Variants in GALNT13 observed in about 807,000 individuals in gnomAD.
The protein encoded by GALNT13 is polypeptide N-acetylgalactosaminyltransferase 13, also known as UDP-GalNAc:polypeptide N-acetylgalactosaminyltransferase 13.
In GALNT13, 28 loss-of-function variants were observed where a neutral mutation model predicts 64.2. The observed-to-expected ratio is 0.44, with a 90% confidence interval of 0.32 to 0.60. GALNT13 has a LOEUF of 0.60. Among genes scored for constraint, GALNT13 ranks in the 20% least tolerant of loss-of-function variants. The probability of loss-of-function intolerance (pLI) is 0.05; values close to 1 mark genes in which losing one functional copy is unlikely to be tolerated. For missense variants in GALNT13, 577 were observed against 669.8 expected (o/e 0.86, Z 1.53); for synonymous variants, 214 against 224.6 (o/e 0.95, Z 0.42).
the GALNT13 span, among the ~76,000 whole-genome samples, chr2:153,315,066 A>G: frequency 1.3e-5 from 2 of 152,116 alleles, no homozygotes; most frequent in African/African-American, 4.8e-5. Context: ...TAAGAAAAGT[A>G]GAGAGAATAT....
chr2:153,757,565 T>C, the GALNT13 span, among the ~76,000 whole-genome samples: 2 of 152,128 alleles, frequency 1.3e-5, no homozygotes, highest in Admixed American at 1.3e-4. Context: ...CTCCATACAG[T>C]GTTCACCAAT....
chr2:154,363,227 C>T (rs1697175708), intron 9 of GALNT13, among the ~76,000 whole-genome samples: 1 of 152,132 alleles, frequency 6.6e-6, no homozygotes, highest in African/African-American at 2.4e-5. Context: ...ACCAGCTCAC[C>T]CCAGTTTGAA....
At chr2:153,390,665 A>T in the GALNT13 span, among the ~76,000 whole-genome samples, 1 of 152,088 alleles carries the variant, frequency 6.6e-6, no homozygotes, top group African/African-American at 2.4e-5. Context: ...TTATGGTTTT[A>T]TTGAGATTTA....
chr2:153,691,964 G>A, the GALNT13 span, among the ~76,000 whole-genome samples: 1 of 152,058 alleles, frequency 6.6e-6, no homozygotes, highest in Non-Finnish European at 1.5e-5. Context: ...GGGTAAAGAT[G>A]GAAACAGCCC....
chr2:153,238,797 T>A, the GALNT13 span, among the ~76,000 whole-genome samples: 1 of 152,122 alleles, frequency 6.6e-6, no homozygotes, highest in African/African-American at 2.4e-5. Context: ...TTTTGCTCAT[T>A]TTGCTCAGAA....
intron 1 of GALNT13, among the ~76,000 whole-genome samples, chr2:153,877,958 A>C (rs1444685): frequency 0.77 from 117,699 of 152,012 alleles, 45,986 homozygotes; most frequent in East Asian, 0.96. Flanking sequence ...TAAATGAGGC[A>C]TCACCTCAGA....
chr2:153,493,462 AAATT>A, the GALNT13 span, among the ~76,000 whole-genome samples: 1 of 152,100 alleles, frequency 6.6e-6, no homozygotes, highest in African/African-American at 2.4e-5. Flanking sequence ...ACGAAAATAA[AAATT>A]TATTTAAAAT....
At chr2:153,681,661 A>G in the GALNT13 span, among the ~76,000 whole-genome samples, 4 of 151,662 alleles carry the variant, frequency 2.6e-5, no homozygotes, top group Non-Finnish European at 5.9e-5. Flanking sequence ...CTTCCCCTTT[A>G]TCACTCATTA....
chr2:153,436,530 T>G, the GALNT13 span, among the ~76,000 whole-genome samples: 2 of 152,224 alleles, frequency 1.3e-5, no homozygotes, highest in Non-Finnish European at 2.9e-5. Flanking sequence ...TATTCAGAGA[T>G]TCACCTTCTT....
At chr2:153,679,795 G>A in the GALNT13 span, among the ~76,000 whole-genome samples, 9 of 151,878 alleles carry the variant, frequency 5.9e-5, no homozygotes, top group Admixed American at 2.0e-4. Flanking sequence ...TTTGGGACAC[G>A]ATATAACAAA....
chr2:153,390,215 A>G, the GALNT13 span, among the ~76,000 whole-genome samples: 1 of 152,156 alleles, frequency 6.6e-6, no homozygotes. Flanking sequence ...ACAAGATCAG[A>G]AAACCAAACA....
chr2:154,376,097 A>G (rs1446142453), intron 9 of GALNT13, among the ~76,000 whole-genome samples: 2 of 152,196 alleles, frequency 1.3e-5, no homozygotes, highest in Non-Finnish European at 2.9e-5. Flanking sequence ...ATTGGATGGA[A>G]CAGTTAAATA....
At chr2:153,190,044 T>G in the GALNT13 span, among the ~76,000 whole-genome samples, 7 of 152,148 alleles carry the variant, frequency 4.6e-5, no homozygotes, top group African/African-American at 1.7e-4. Flanking sequence ...CAGCAGGTTG[T>G]CTCTTCACTT....
At chr2:154,428,858 T>C (rs1251586518) in intron 11 of GALNT13, among the ~76,000 whole-genome samples, 1 of 151,986 alleles carries the variant, frequency 6.6e-6, no homozygotes, top group African/African-American at 2.4e-5. Flanking sequence ...CTCTGCTCAC[T>C]GCAAGCTCCG....
the GALNT13 span, among the ~76,000 whole-genome samples, chr2:153,521,439 T>G: frequency 6.6e-6 from 1 of 152,292 alleles, no homozygotes; most frequent in South Asian, 2.1e-4. Context: ...TACAGAGATA[T>G]CTCATATATC....
intron 2 of GALNT13, among the ~76,000 whole-genome samples, chr2:153,940,122 A>G (rs1052883230): frequency 1.3e-5 from 2 of 151,952 alleles, no homozygotes; most frequent in African/African-American, 4.8e-5. Flanking sequence ...ACCATCTTTC[A>G]GTAAAAGGCA....
chr2:153,091,945 A>G, the GALNT13 span, among the ~76,000 whole-genome samples: 1 of 152,130 alleles, frequency 6.6e-6, no homozygotes, highest in Non-Finnish European at 1.5e-5. Flanking sequence ...ATTTTTCCCA[A>G]TGTTTTCTGA....
chr2:153,708,513 C>G, the GALNT13 span, among the ~76,000 whole-genome samples: 2 of 152,160 alleles, frequency 1.3e-5, no homozygotes, highest in East Asian at 1.9e-4. Flanking sequence ...AGTCTTTAAA[C>G]TTTATCAGGT....
chr2:153,637,234 T>G, the GALNT13 span, among the ~76,000 whole-genome samples: 1 of 152,148 alleles, frequency 6.6e-6, no homozygotes, highest in Non-Finnish European at 1.5e-5. Flanking sequence ...ATATGATGTA[T>G]TAATTCCCTT....
Sources: gnomAD v4.1 joint callset for allele counts (sites outside exome capture counted in the v4.1 genomes callset) on GRCh38, gnomAD v4.1.1 for gene constraint, MANE v1.5 for transcripts, NCBI Gene and HGNC (gene_info 2026-07-23, HGNC 2026-07-21) for gene names.